DNAH14: variants seen among roughly 807,000 people sequenced by gnomAD.
DNAH14 encodes dynein axonemal heavy chain 14.
In DNAH14, 478 loss-of-function variants were observed where a neutral mutation model predicts 520.9. The observed-to-expected ratio is 0.92, with a 90% CI of 0.85 to 0.99. The LOEUF is 0.99. Ranked by LOEUF, DNAH14 falls within the 50% of genes least tolerant of loss-of-function variation. DNAH14 has a pLI of 0.00. For synonymous variants in DNAH14, 1,581 were observed against 1,757.2 expected (o/e 0.90, Z 2.51); for missense variants, 4,831 against 5,234.5 (o/e 0.92, Z 2.38).
chr1:225,086,414 A>C (rs1453626102), intron 21 of DNAH14, among the ~76,000 whole-genome samples: 2 of 152,054 alleles, frequency 1.3e-5, no homozygotes, highest in African/African-American at 4.8e-5. Context: ...GATTACAGGC[A>C]TGAGCCACCG....
chr1:225,374,119 G>A (rs1236569124), intron 77 of DNAH14, among the ~76,000 whole-genome samples: 1 of 100,030 alleles, frequency 1.0e-5, no homozygotes, highest in Non-Finnish European at 1.9e-5. Flanking sequence ...AAAAAAAAAG[G>A]TGTATGTCCC....
rs2080629788 is a variant in DNAH14 at position 225,152,806 on chromosome 1, G to A, written c.5119G>A (p.Gly1707Ser). Residue 1707 changes from glycine to serine, a missense_variant, in exon 33 of 86, where the codon GGT (glycine) becomes AGT (serine). Coordinates refer to ENST00000682510, the MANE Select transcript of DNAH14 (RefSeq NM_001367479.1). ...TGCTGAAATAATATTGTTTTCATTT[G>A]GTTTCAAATCTGCAAATTCACTCTC... Reference protein sequence around the residue: ...MIAEIILFSFGFKSANSLSGK... With the variant: ...MIAEIILFSFSFKSANSLSGK... 1.3e-6 allele frequency: 2 copies of A among 1,551,038 alleles called. No individual in the cohort carries two copies. The highest frequency in any genetic ancestry group is 1.7e-6 in the Non-Finnish European group (2 of 1,146,788).
At chr1:225,337,888 T>A (rs1251921619) in intron 67 of DNAH14, among the ~76,000 whole-genome samples, 173 bp from the exon 68 acceptor site, 2 of 152,212 alleles carry the variant, frequency 1.3e-5, no homozygotes, top group African/African-American at 2.4e-5. Flanking sequence ...TCTTAGTTAT[T>A]TTTAAATGTA....
At chr1:225,109,616 G>A (rs1352270724) in intron 23 of DNAH14, among the ~76,000 whole-genome samples, 1 of 151,926 alleles carries the variant, frequency 6.6e-6, no homozygotes, top group Non-Finnish European at 1.5e-5. Flanking sequence ...GGAGTCTTTA[G>A]GTTTTCCCCT....
At chr1:225,274,197 A>ATTTTTTTTTTTTTT (rs869247051) in intron 52 of DNAH14, among the ~76,000 whole-genome samples, 16 of 92,884 alleles carry the variant, frequency 1.7e-4, no homozygotes, top group East Asian at 3.3e-4. Flanking sequence ...AGCATCTGTT[A>ATTTTTTTTTTTTTT]TTTTTTTTTT....
chr1:225,238,165 G>T (rs972351041), intron 42 of DNAH14, among the ~76,000 whole-genome samples: 2 of 152,188 alleles, frequency 1.3e-5, no homozygotes, highest in Non-Finnish European at 2.9e-5. Flanking sequence ...TGCTGGAGAG[G>T]TGTTTCAGTC....
intron 23 of DNAH14, among the ~76,000 whole-genome samples, chr1:225,115,671 T>C (rs1013392326): frequency 5.9e-5 from 9 of 152,220 alleles, no homozygotes; most frequent in Non-Finnish European, 8.8e-5. Flanking sequence ...AGATTGATTC[T>C]GGTTAATAAT....
At chr1:225,193,654 C>T (rs1351430938) in intron 38 of DNAH14, among the ~76,000 whole-genome samples, 2 of 152,076 alleles carry the variant, frequency 1.3e-5, no homozygotes, top group Admixed American at 1.3e-4. Flanking sequence ...CAAGGATGCC[C>T]ACTATCACTA....
At chr1:225,055,240 T>C (rs2068922100) in intron 17 of DNAH14, among the ~76,000 whole-genome samples, 1 of 152,184 alleles carries the variant, frequency 6.6e-6, no homozygotes, top group Admixed American at 6.5e-5. Context: ...ATCTCAAGAA[T>C]GGTGTCGTTT....
At chr1:225,049,177 A>G (rs1373468035) in intron 15 of DNAH14, among the ~76,000 whole-genome samples, 5 of 144,932 alleles carry the variant, frequency 3.4e-5, no homozygotes, top group African/African-American at 1.0e-4. Context: ...CTCTGCTTCA[A>G]CCTCCTGAGT....
intron 17 of DNAH14, among the ~76,000 whole-genome samples, chr1:225,068,772 G>A (rs144328440): frequency 6.6e-6 from 1 of 152,134 alleles, no homozygotes; most frequent in Non-Finnish European, 1.5e-5. Flanking sequence ...GTATAGGAAT[G>A]CTAGTTATTT....
chr1:225,388,459 G>A lies in DNAH14; in HGVS notation c.13158G>A (p.Trp4386Ter). Residue 4386 changes from tryptophan to a stop codon, truncating the protein, a stop_gained, in exon 82 of 86, where the codon TGG (tryptophan) becomes TGA (stop). Coordinates refer to ENST00000682510, the MANE Select transcript of DNAH14 (RefSeq NM_001367479.1). LOFTEE classifies it high-confidence loss of function. Reference sequence around the variant, plus strand: ...AGCGACTGAATTTCTTCAATACTTGGGCCAAAGTGGCTTATACTGCAATAC... The same window carrying A: ...AGCGACTGAATTTCTTCAATACTTGAGCCAAAGTGGCTTATACTGCAATAC... Reference protein sequence around the residue: ...LIQRLNFFNTWAKVAYTAIQR... With the variant: ...LIQRLNFFNT The A allele has an allele frequency of 1.3e-6, 2 of 1,532,884 alleles. No homozygotes were observed. The highest frequency in any genetic ancestry group is 1.8e-6 in the Non-Finnish European group (2 of 1,131,924). 95.0% of individuals were successfully genotyped at this position (1,532,884 alleles called of 1,614,324 possible). A position where few individuals can be genotyped will look rare whatever the true frequency, so the allele number is the denominator to read the frequency against.
At position 225,075,991 on chromosome 1, in the gene DNAH14, A is replaced by AACAGATGGGAAG. The variant is rs1553429237; in HGVS notation, c.2425-3216_2425-3215insACAGATGGGAAG. Among the ~76,000 whole-genome samples, 4 of 152,124 alleles carry AACAGATGGGAAG rather than the reference A, an allele frequency of 2.6e-5. No homozygotes were observed. In the South Asian group the frequency reaches 8.3e-4, roughly 32 times the overall value. On this transcript the variant is annotated intron_variant, in intron 17 of 85. Transcript: ENST00000682510. ...CTACAGCACTTAGGCTGGCTGGTCC[A>AACAGATGGGAAG]GCCTAGGGCCTGGATCCACTTGGGT...
intron 1 of DNAH14, among the ~76,000 whole-genome samples, chr1:224,932,001 G>A (rs2058727708): frequency 6.6e-6 from 1 of 152,054 alleles, no homozygotes; most frequent in Admixed American, 6.5e-5. Context: ...AATGGTAATT[G>A]TATTTTTAGT....
intron 1 of DNAH14, among the ~76,000 whole-genome samples, chr1:224,951,908 G>C (rs1434594634): frequency 6.6e-6 from 1 of 152,108 alleles, no homozygotes; most frequent in Non-Finnish European, 1.5e-5. Context: ...CAAAGTGCTG[G>C]GATTACAGGC....
intron 82 of DNAH14, among the ~76,000 whole-genome samples, chr1:225,388,891 C>T (rs1426230769): frequency 3.9e-5 from 6 of 151,982 alleles, no homozygotes; most frequent in African/African-American, 1.2e-4. Context: ...ATTCTCCTGC[C>T]TCAGGGATTA....
intron 41 of DNAH14, among the ~76,000 whole-genome samples, chr1:225,215,010 T>A (rs535471243): frequency 1.3e-5 from 2 of 152,340 alleles, no homozygotes; most frequent in African/African-American, 2.4e-5. Context: ...AGGGTGTCAA[T>A]TTTAGATCCT....
In DNAH14 at chr1:225,266,695, C is replaced by G. The variant is rs568140298; in HGVS notation, c.7465C>G (p.Gln2489Glu). The G allele has an allele frequency of 6.6e-7, 1 of 1,519,910 alleles. No individual in the cohort carries two copies. Among genetic ancestry groups the G allele is most frequent in the East Asian group, 2.5e-5 (1 of 39,770 alleles). The allele number at this position is 1,519,910 out of a possible 1,614,324, so 94.2% of individuals were successfully genotyped here. Residue 2489 changes from glutamine (Q) to glutamate (E), a missense_variant, in exon 49 of 86, where the codon CAG (glutamine) becomes GAG (glutamate). Physicochemically the swap from Gln to Glu is conservative, Grantham distance 29. Coordinates refer to ENST00000682510, the MANE Select transcript of DNAH14 (RefSeq NM_001367479.1). ...NMPVSDMYGA[Q>E]PPLELIRQLL... The stretch of plus-strand genomic sequence containing the variant: ...GCCAGTATCAGATATGTATGGAGCA[C>G]AGCCACCCCTGGAATTGATAAGACA...
intron 10 of DNAH14, among the ~76,000 whole-genome samples, chr1:225,020,103 G>T (rs2065543944): frequency 6.6e-6 from 1 of 151,970 alleles, no homozygotes; most frequent in Non-Finnish European, 1.5e-5. Context: ...AAGTTTGATA[G>T]CCTGGTGCCT....
Sources: gnomAD v4.1 joint callset for allele counts (sites outside exome capture counted in the v4.1 genomes callset) on GRCh38, gnomAD v4.1.1 for gene constraint, MANE v1.5 for transcripts, NCBI Gene and HGNC (gene_info 2026-07-23, HGNC 2026-07-21) for gene names.